ZSWIM5: variants seen among roughly 807,000 people sequenced by gnomAD.
ZSWIM5 encodes the protein zinc finger SWIM-type containing 5.
Under a neutral mutation model 119.6 loss-of-function variants are expected in ZSWIM5, and 55 were observed. The ratio of observed to expected loss-of-function variants is 0.46; its 90% confidence interval spans 0.37 to 0.58. The LOEUF (loss-of-function observed/expected upper bound fraction) is 0.58. ZSWIM5 is among the 20% of genes least tolerant of loss of function. The pLI is 0.00. For missense variants in ZSWIM5, 1,193 were observed against 1,512.8 expected (o/e 0.79, Z 3.51); for synonymous variants, 537 against 606.9 (o/e 0.88, Z 1.69).
chr1:45,105,984 A>C (rs1248961048), intron 1 of ZSWIM5, among the ~76,000 whole-genome samples: 1 of 75,992 alleles, frequency 1.3e-5, no homozygotes, highest in African/African-American at 5.4e-5. Context: ...GGTTGCCCCG[A>C]ATGGGAAGTG....
intron 1 of ZSWIM5, among the ~76,000 whole-genome samples, chr1:45,145,923 T>A (rs1305455797): frequency 1.3e-5 from 2 of 152,160 alleles, no homozygotes; most frequent in African/African-American, 4.8e-5. Context: ...GAGAGTGTGG[T>A]ACCCTAAAAG....
At chr1:45,116,649 T>C (rs1645559862) in intron 1 of ZSWIM5, among the ~76,000 whole-genome samples, 1 of 152,110 alleles carries the variant, frequency 6.6e-6, no homozygotes, top group Admixed American at 6.5e-5. Context: ...GAAAAACCAA[T>C]GGCCAAACAG....
intron 1 of ZSWIM5, among the ~76,000 whole-genome samples, chr1:45,150,030 C>G (rs926779728): frequency 6.6e-6 from 1 of 151,780 alleles, no homozygotes; most frequent in African/African-American, 2.4e-5. Context: ...ATTAGCAGGG[C>G]ATGGTGGTGT....
rs55717021 is a variant in ZSWIM5, at chr1:45,038,604, C to CTTTT, written c.1894+328_1894+331dup. On this transcript the variant is annotated intron_variant, in intron 8 of 13. Coordinates refer to ENST00000359600, the MANE Select transcript of ZSWIM5 (RefSeq NM_020883.2). ...GGAGAAAAGGGCTGACGAGGGCAGT[C>CTTTT]TTTTTTTTTTTTTTTTTAATGAAAC... Among the ~76,000 whole-genome samples, 67 of 48,506 alleles carry CTTTT rather than the reference C, an allele frequency of 1.4e-3. 5 individuals carry two copies. Among genetic ancestry groups the CTTTT allele is most frequent in the African/African-American group, 4.3e-3 (54 of 12,596 alleles). The allele number at this position is 48,506 out of a possible 152,430, so 31.8% of individuals were successfully genotyped here.
At chr1:45,158,162 T>A (rs1375241573) in intron 1 of ZSWIM5, among the ~76,000 whole-genome samples, 3 of 152,156 alleles carry the variant, frequency 2.0e-5, no homozygotes, top group African/African-American at 7.2e-5. Flanking sequence ...ATACATATAT[T>A]TTTTTAATTT....
chr1:45,076,324 T>A (rs969462201), intron 2 of ZSWIM5, among the ~76,000 whole-genome samples: 1 of 151,954 alleles, frequency 6.6e-6, no homozygotes, highest in African/African-American at 2.4e-5. Context: ...AAACCCTCAG[T>A]TTTTGTTTGT....
chr1:45,064,136 A>G (rs1645168850), intron 2 of ZSWIM5, among the ~76,000 whole-genome samples: 1 of 152,186 alleles, frequency 6.6e-6, no homozygotes, highest in Admixed American at 6.5e-5. Context: ...AAGTATGCCC[A>G]TCTTATTACG....
chr1:45,120,161 T>C (rs1175544021), intron 1 of ZSWIM5, among the ~76,000 whole-genome samples: 4 of 152,148 alleles, frequency 2.6e-5, no homozygotes, highest in Admixed American at 2.6e-4. Context: ...CTGGCCAACA[T>C]GGTGAAACCC....
At chr1:45,175,766 A>G (rs865799437) in intron 1 of ZSWIM5, among the ~76,000 whole-genome samples, 1 of 151,550 alleles carries the variant, frequency 6.6e-6, no homozygotes, top group Admixed American at 6.6e-5. Flanking sequence ...AAAAAAAAAA[A>G]CCATTGACAC....
chr1:45,087,804 T>C, intron 2 of ZSWIM5, 77 bp downstream of exon 2: 1 of 1,025,064 alleles, frequency 9.8e-7, no homozygotes, highest in Admixed American at 2.3e-5. Flanking sequence ...AGCAACAAAG[T>C]AGAGGTAAGA....
At chr1:45,139,374 T>TTC (rs141062267) in intron 1 of ZSWIM5, among the ~76,000 whole-genome samples, 2 of 149,964 alleles carry the variant, frequency 1.3e-5, no homozygotes, top group South Asian at 2.1e-4. Context: ...TTCTTTTTTT[T>TTC]TCTCTCTCTC....
chr1:45,024,480 C>T (rs1031930301), intron 11 of ZSWIM5, among the ~76,000 whole-genome samples: 1 of 151,992 alleles, frequency 6.6e-6, no homozygotes, highest in Non-Finnish European at 1.5e-5. Context: ...GCGTGAGCCA[C>T]TGAGCCCGGC....
At chr1:45,188,223 A>C (rs1367463791) in intron 1 of ZSWIM5, among the ~76,000 whole-genome samples, 1 of 152,258 alleles carries the variant, frequency 6.6e-6, no homozygotes, top group Non-Finnish European at 1.5e-5. Flanking sequence ...ATGGATAAAC[A>C]AAATGTGGTA....
At chr1:45,096,338 T>C (rs938940860) in intron 1 of ZSWIM5, among the ~76,000 whole-genome samples, 1 of 145,750 alleles carries the variant, frequency 6.9e-6, no homozygotes, top group African/African-American at 2.5e-5. Flanking sequence ...GTGACTCCAG[T>C]GGGCCATAAA....
intron 1 of ZSWIM5, among the ~76,000 whole-genome samples, chr1:45,119,489 G>A (rs1645578365): frequency 6.6e-6 from 1 of 152,202 alleles, no homozygotes; most frequent in African/African-American, 2.4e-5. Flanking sequence ...TACCTAAGAT[G>A]ACTATGCAGC....
chr1:45,049,110 G>A (rs1226899806), intron 5 of ZSWIM5, among the ~76,000 whole-genome samples: 1 of 152,048 alleles, frequency 6.6e-6, no homozygotes, highest in African/African-American at 2.4e-5. Flanking sequence ...TAGCGTGGGT[G>A]ACACAGTGAG....
Position 45,019,301 on chromosome 1 carries a change from A to G in ZSWIM5, c.2711T>C (p.Val904Ala). The G allele has an allele frequency of 6.2e-7, 1 of 1,610,852 alleles. No individual in the cohort carries two copies. ...CATEVGVRAL[V>A]SILQSWYTLF... is the part of the protein sequence containing the mutation. ...TGTGTACCAGCTCTGCAAGATGCTC[A>G]CCAGGGCCCGCACACCTGTCAGGGG... Residue 904 changes from valine (V) to alanine (A), a missense_variant, in exon 14 of 14, where the codon GTG (valine) becomes GCG (alanine). Around this residue, in one of 2 missense-constraint regions of ZSWIM5, gnomAD observed 961 missense variants for 1,290.0 expected, o/e 0.74. Coordinates refer to ENST00000359600, the MANE Select transcript of ZSWIM5 (RefSeq NM_020883.2). This position sits in a 1 kb window ranked among gnomAD's most constrained non-coding sequence, Gnocchi z 5.0.
Position 45,036,228 on chromosome 1 carries a change from A to T in ZSWIM5, c.1966T>A (p.Ser656Thr). The change falls in exon 9 of 14, where the codon TCC becomes ACC. Residue 656 changes from serine to threonine, a missense_variant. Around this residue, in one of 2 missense-constraint regions of ZSWIM5, gnomAD observed 961 missense variants for 1,290.0 expected, o/e 0.74. Transcript: ENST00000359600. ...VAAGSPNSSE[S>T]YLSLALEVAL... ...ACTTCCAGGGCCAATGACAGGTAGG[A>T]CTCACTGCTGTTTGGGGAGCCTGCA... 2.5e-6 allele frequency: 4 copies of T among 1,613,934 alleles called. No individual in the cohort carries two copies. The highest frequency in any genetic ancestry group is 3.4e-6 in the Non-Finnish European group (4 of 1,180,002).
At chr1:45,070,311 G>C (rs2149004428) in intron 2 of ZSWIM5, 1 of 1,422,744 alleles carries the variant, frequency 7.0e-7, no homozygotes, top group Non-Finnish European at 9.9e-7. Context: ...GAGGAAGTAA[G>C]ACGCCACCAC....
Sources: allele counts gnomAD v4.1 joint callset (sites outside exome capture counted in the v4.1 genomes callset), GRCh38; gene constraint gnomAD v4.1.1; regional missense constraint gnomAD v4.1.1; non-coding constraint Gnocchi (gnomAD v3.1); transcripts MANE v1.5; gene names NCBI Gene and HGNC (gene_info 2026-07-23, HGNC 2026-07-21).